The following LRRC4C variants were observed in gnomAD, a reference collection of about 807,000 sequenced individuals.
LRRC4C encodes the protein leucine rich repeat containing 4C.
LRRC4C carries 5 observed loss-of-function variants against 33.6 expected under a neutral mutation model. The ratio of observed to expected loss-of-function variants is 0.15; its 90% CI spans 0.08 to 0.31. LRRC4C has a LOEUF of 0.31. Among genes scored for constraint, LRRC4C ranks in the 10% least tolerant of loss-of-function variants. The probability of loss-of-function intolerance (pLI) is 1.00; values close to 1 mark genes in which losing one functional copy is unlikely to be tolerated. For synonymous variants in LRRC4C, 329 were observed against 302.0 expected (o/e 1.09, Z -0.93); for missense variants, 560 against 796.7 (o/e 0.70, Z 3.58).
At chr11:40,382,123 A>AT (rs77934711) in intron 3 of LRRC4C, among the ~76,000 whole-genome samples, 3,955 of 99,094 alleles carry the variant, frequency 0.04, 237 homozygotes, top group Non-Finnish European at 0.052. Context: ...TGCCCGGCTA[A>AT]TTTTTTTTTT....
chr11:40,582,260 T>C (rs952217941), intron 3 of LRRC4C, among the ~76,000 whole-genome samples: 2 of 152,196 alleles, frequency 1.3e-5, no homozygotes, highest in African/African-American at 4.8e-5. Context: ...TAATTGATTT[T>C]ATAATCACAA....
chr11:40,114,709 G>A lies in LRRC4C; in HGVS notation c.1584C>T (p.Ile528=), dbSNP rs1855287332. Residue 528 remains isoleucine (I), a synonymous_variant, in exon 7 of 7, where the codon ATC becomes ATT. Transcript: ENST00000528697. The part of the protein sequence containing the change: ...GIDEVMKTTK[I]IIGCFVAITL... ...TGATGGCCACAAAACACCCAATGATGATTTTGGTAGTCTTCATGACCTCAT... is the reference window on the plus strand; with the variant it reads ...TGATGGCCACAAAACACCCAATGATAATTTTGGTAGTCTTCATGACCTCAT... 6.2e-7 allele frequency: 1 copy of A among 1,614,174 alleles called. No homozygotes were observed.
At chr11:40,819,599 T>C (rs778099055) in intron 2 of LRRC4C, among the ~76,000 whole-genome samples, 13 of 152,092 alleles carry the variant, frequency 8.5e-5, no homozygotes, top group Non-Finnish European at 1.3e-4. Context: ...GCTATACATA[T>C]ATGTAGTTAA....
intron 1 of LRRC4C, among the ~76,000 whole-genome samples, chr11:40,984,379 G>GAA (rs1194883012): frequency 1.3e-5 from 1 of 77,462 alleles, no homozygotes; most frequent in African/African-American, 4.6e-5. Context: ...AAGAAAGAAA[G>GAA]AAAGAAAGAA....
At position 40,451,422 on chromosome 11, in the gene LRRC4C, A is replaced by G. The variant is rs908581361; in HGVS notation, c.-269-131701T>C. 7.3e-4 allele frequency among the ~76,000 whole-genome samples: 76 copies of G among 104,558 alleles called. 2 individuals are homozygous for G. The highest frequency in any genetic ancestry group is 2.8e-3 in the African/African-American group (72 of 25,910). The allele number at this position is 104,558 out of a possible 152,430, so 68.6% of individuals were successfully genotyped here. ...TTTTTTTGAGACAGAGTCTCACTCT[A>G]TTGCCTGGGCCGGAGTGCAGTGGCC... On this transcript the variant is annotated intron_variant, in intron 3 of 6. Coordinates refer to ENST00000528697, the MANE Select transcript of LRRC4C (RefSeq NM_001258419.2).
At position 40,743,340 on chromosome 11, in the gene LRRC4C, A is replaced by G. The variant is rs141767474; in HGVS notation, c.-406-95062T>C. ...TTAGTTTTCTCTTGCTGCGGTAACA[A>G]ACTATCATAAGCTGTTGGCTTAAAA... On this transcript the variant is annotated intron_variant, in intron 2 of 6. Transcript: ENST00000528697. Among the ~76,000 whole-genome samples the G allele has an allele frequency of 2.5e-4, 38 of 152,148 alleles. No homozygotes were observed. The East Asian group carries it at 7.4e-3, about 29-fold the overall frequency.
chr11:41,274,264 A>G (rs1024789907), intron 1 of LRRC4C, among the ~76,000 whole-genome samples: 2 of 152,130 alleles, frequency 1.3e-5, no homozygotes, highest in Admixed American at 1.3e-4. Flanking sequence ...GATGGTTCTG[A>G]ATAGTGGAGT....
At chr11:40,905,658 G>T (rs563318555) in intron 2 of LRRC4C, among the ~76,000 whole-genome samples, 5 of 152,306 alleles carry the variant, frequency 3.3e-5, no homozygotes, top group Non-Finnish European at 5.9e-5. Context: ...CCCAAGTCCA[G>T]CACAGCACTA....
chr11:41,384,506 A>G (rs941919687), intron 1 of LRRC4C, among the ~76,000 whole-genome samples: 3 of 151,574 alleles, frequency 2.0e-5, no homozygotes, highest in African/African-American at 7.2e-5. Context: ...GTTACAGTTA[A>G]AAACATGCCA....
intron 3 of LRRC4C, among the ~76,000 whole-genome samples, chr11:40,399,246 T>G (rs1055511281): frequency 6.6e-6 from 1 of 151,982 alleles, no homozygotes; most frequent in South Asian, 2.1e-4. Flanking sequence ...ATGTTTATTG[T>G]GGCACTATTC....
intron 2 of LRRC4C, among the ~76,000 whole-genome samples, chr11:40,670,154 C>T (rs1944017453): frequency 6.6e-6 from 1 of 152,192 alleles, no homozygotes; most frequent in Admixed American, 6.5e-5. Flanking sequence ...TGTTGTACAT[C>T]TCAGGAGTGG....
chr11:41,183,014 G>T lies in LRRC4C; in HGVS notation c.-495-249291C>A, dbSNP rs1272832145. Among the ~76,000 whole-genome samples the T allele has an allele frequency of 2.0e-5, 3 of 152,142 alleles. No homozygotes were observed. In the East Asian group the frequency reaches 5.8e-4, roughly 29 times the overall value. On this transcript the variant is annotated intron_variant, in intron 1 of 6. Coordinates refer to ENST00000528697, the MANE Select transcript of LRRC4C (RefSeq NM_001258419.2). ...CTCCCATTTTTTAAAACCATCAGAT[G>T]TCATGAGACTTCTTCACTATCATGA...
At chr11:40,607,208 GA>G (rs1960710144) in intron 3 of LRRC4C, among the ~76,000 whole-genome samples, 1 of 152,126 alleles carries the variant, frequency 6.6e-6, no homozygotes, top group Non-Finnish European at 1.5e-5. Flanking sequence ...AAATGCTAAA[GA>G]ATGTTCTTTA....
chr11:40,255,586 A>G (rs1012969474), intron 4 of LRRC4C, among the ~76,000 whole-genome samples: 8 of 152,260 alleles, frequency 5.3e-5, no homozygotes, highest in Admixed American at 1.3e-4. Context: ...AGTTGATGCA[A>G]AGGGGGAGAA....
chr11:41,335,444 C>A (rs191958174), intron 1 of LRRC4C, among the ~76,000 whole-genome samples: 202 of 152,260 alleles, frequency 1.3e-3, no homozygotes, highest in South Asian at 4.4e-3. Flanking sequence ...AAAAATACTA[C>A]CTGTCCATCT....
chr11:40,194,852 G>T (rs1319866503), intron 5 of LRRC4C, among the ~76,000 whole-genome samples: 2 of 152,124 alleles, frequency 1.3e-5, no homozygotes, highest in African/African-American at 4.8e-5. Flanking sequence ...ACTTTGGGAG[G>T]CCGAGGTGGG....
At chr11:41,094,937 T>C (rs11823606) in intron 1 of LRRC4C, among the ~76,000 whole-genome samples, 6,337 of 152,240 alleles carry the variant, frequency 0.042, 459 homozygotes, top group African/African-American at 0.14. Context: ...TTAAAATACA[T>C]CTCTGACTTT....
intron 3 of LRRC4C, among the ~76,000 whole-genome samples, chr11:40,554,923 G>T (rs1957275701): frequency 6.9e-6 from 1 of 144,222 alleles, no homozygotes; most frequent in African/African-American, 2.8e-5. Context: ...GGGTTTCACC[G>T]TGTTAGCCAG....
intron 3 of LRRC4C, among the ~76,000 whole-genome samples, chr11:40,540,711 C>A (rs1251690163): frequency 6.6e-6 from 1 of 152,074 alleles, no homozygotes; most frequent in East Asian, 1.9e-4. Context: ...TCTAGTACCC[C>A]ACATTTGAGC....
Sources: allele counts gnomAD v4.1 joint callset (sites outside exome capture counted in the v4.1 genomes callset), GRCh38; gene constraint gnomAD v4.1.1; transcripts MANE v1.5; gene names NCBI Gene and HGNC (gene_info 2026-07-23, HGNC 2026-07-21).